SNX18: variants seen among roughly 807,000 people sequenced by gnomAD.
SNX18 encodes sorting nexin 18.
In SNX18, 35 loss-of-function variants were observed where a neutral mutation model predicts 48.7. That is an observed-to-expected ratio of 0.72 (90% CI 0.55 to 0.95). SNX18 has a LOEUF of 0.95. SNX18 is among the 40% of genes least tolerant of loss of function. The probability of loss-of-function intolerance (pLI) is 0.00; values close to 1 mark genes in which losing one functional copy is unlikely to be tolerated. For missense variants in SNX18, 824 were observed against 871.0 expected (o/e 0.95, Z 0.68); for synonymous variants, 492 against 384.7 (o/e 1.28, Z -3.26).
the SNX18 span, among the ~76,000 whole-genome samples, chr5:54,622,108 T>C: frequency 6.6e-6 from 1 of 152,212 alleles, no homozygotes; most frequent in African/African-American, 2.4e-5. Flanking sequence ...TTATACAAAA[T>C]GATGCTATTT....
At chr5:54,528,104 C>A (rs1402707251) in intron 1 of SNX18, among the ~76,000 whole-genome samples, 1 of 151,416 alleles carries the variant, frequency 6.6e-6, no homozygotes, top group African/African-American at 2.4e-5. Context: ...TATATTGATT[C>A]TTGGTGTTTA....
the SNX18 span, among the ~76,000 whole-genome samples, chr5:54,593,825 A>C: frequency 6.6e-6 from 1 of 152,244 alleles, no homozygotes; most frequent in Admixed American, 6.5e-5. Flanking sequence ...AAACAATTGG[A>C]TATCTACATA....
At chr5:54,565,346 G>A in the SNX18 span, among the ~76,000 whole-genome samples, 1 of 152,204 alleles carries the variant, frequency 6.6e-6, no homozygotes, top group Non-Finnish European at 1.5e-5. Context: ...GGCCAAGGCA[G>A]GAGAATTGCT....
chr5:54,562,707 TTACTG>T, the SNX18 span, among the ~76,000 whole-genome samples: 1 of 152,254 alleles, frequency 6.6e-6, no homozygotes, highest in Non-Finnish European at 1.5e-5. Context: ...GTTTATGTAT[TTACTG>T]TACTATACGT....
chr5:54,635,018 T>G, the SNX18 span, among the ~76,000 whole-genome samples: 1 of 152,006 alleles, frequency 6.6e-6, no homozygotes, highest in Non-Finnish European at 1.5e-5. Context: ...TTTATAGTGA[T>G]TCATTTTTGA....
chr5:54,617,525 C>T, the SNX18 span, among the ~76,000 whole-genome samples: 1 of 152,096 alleles, frequency 6.6e-6, no homozygotes, highest in South Asian at 2.1e-4. Flanking sequence ...GTCCTGTGTT[C>T]AACAGAGAAT....
the SNX18 span, among the ~76,000 whole-genome samples, chr5:54,597,348 A>G: frequency 6.6e-6 from 1 of 152,122 alleles, no homozygotes; most frequent in African/African-American, 2.4e-5. Context: ...AAAATTAACA[A>G]AGATATTCAG....
At chr5:54,519,731 G>A (rs1761977019) in intron 1 of SNX18, 158 bp downstream of exon 1, 1 of 1,614,218 alleles carries the variant, frequency 6.2e-7, no homozygotes, top group Non-Finnish European at 8.5e-7. Context: ...TAGAGTGTAA[G>A]TTGGATTGCT....
At chr5:54,628,218 T>G in the SNX18 span, among the ~76,000 whole-genome samples, 1 of 152,152 alleles carries the variant, frequency 6.6e-6, no homozygotes, top group East Asian at 1.9e-4. Flanking sequence ...AGTTAATGAT[T>G]AGCTAAGCCA....
At chr5:54,635,413 C>T in the SNX18 span, among the ~76,000 whole-genome samples, 1 of 152,178 alleles carries the variant, frequency 6.6e-6, no homozygotes, top group Non-Finnish European at 1.5e-5. Context: ...AAAATACTTG[C>T]TGGGCTTCCA....
the SNX18 span, among the ~76,000 whole-genome samples, chr5:54,619,565 T>A: frequency 6.6e-6 from 1 of 152,136 alleles, no homozygotes; most frequent in Non-Finnish European, 1.5e-5. Context: ...ACTTTATGCG[T>A]TAGGGCACAA....
the SNX18 span, among the ~76,000 whole-genome samples, chr5:54,633,264 A>G: frequency 6.6e-6 from 1 of 152,150 alleles, no homozygotes; most frequent in African/African-American, 2.4e-5. Flanking sequence ...TGCAAATAGA[A>G]AGAGCAAAGG....
chr5:54,601,439 G>A, the SNX18 span, among the ~76,000 whole-genome samples: 3 of 152,190 alleles, frequency 2.0e-5, no homozygotes, highest in African/African-American at 7.2e-5. Context: ...CTCTAACAGT[G>A]AGAGAGCATG....
chr5:54,540,023 C>G (rs1222746142), intron 1 of SNX18, among the ~76,000 whole-genome samples: 1 of 151,940 alleles, frequency 6.6e-6, no homozygotes, highest in Non-Finnish European at 1.5e-5. Context: ...AGGCGCCCAC[C>G]ACCACACCTG....
At chr5:54,601,981 G>C in the SNX18 span, among the ~76,000 whole-genome samples, 1 of 152,152 alleles carries the variant, frequency 6.6e-6, no homozygotes, top group African/African-American at 2.4e-5. Flanking sequence ...CCTATTCTCT[G>C]TTGCACTGCT....
intron 1 of SNX18, among the ~76,000 whole-genome samples, chr5:54,528,136 A>G (rs1254300501): frequency 1.2e-5 from 1 of 86,140 alleles, no homozygotes. Flanking sequence ...GCATACACGC[A>G]CATACACACA....
the SNX18 span, among the ~76,000 whole-genome samples, chr5:54,599,750 CA>C: frequency 6.6e-6 from 1 of 152,040 alleles, no homozygotes; most frequent in African/African-American, 2.4e-5. Flanking sequence ...ACTTCCTATT[CA>C]AAAAATGGTG....
chr5:54,647,147 A>G, the SNX18 span, among the ~76,000 whole-genome samples: 1 of 152,248 alleles, frequency 6.6e-6, no homozygotes, highest in African/African-American at 2.4e-5. Context: ...ATATTTAACA[A>G]TATAGTGTTC....
chr5:54,637,162 A>C, the SNX18 span, among the ~76,000 whole-genome samples: 3 of 152,198 alleles, frequency 2.0e-5, no homozygotes, highest in Non-Finnish European at 4.4e-5. Flanking sequence ...GAATACAAGC[A>C]GAACATGTAA....
Sources: allele counts gnomAD v4.1 joint callset (sites outside exome capture counted in the v4.1 genomes callset), GRCh38; gene constraint gnomAD v4.1.1; transcripts MANE v1.5; gene names NCBI Gene and HGNC (gene_info 2026-07-23, HGNC 2026-07-21).